Variants in BCAS3 observed in about 807,000 individuals in gnomAD.
BCAS3 encodes BCAS3 microtubule associated cell migration factor.
A neutral mutation model predicts 116.1 loss-of-function variants in BCAS3; 53 were observed. The observed-to-expected ratio is 0.46, with a 90% CI of 0.37 to 0.57. The LOEUF (loss-of-function observed/expected upper bound fraction) is 0.57. Among genes scored for constraint, BCAS3 ranks in the 20% least tolerant of loss-of-function variants. The pLI is 0.00. For missense variants in BCAS3, 917 were observed against 1,165.4 expected (o/e 0.79, Z 3.10); for synonymous variants, 391 against 408.2 (o/e 0.96, Z 0.51).
chr17:61,078,430 T>C lies in BCAS3; in HGVS notation c.2228T>C (p.Ile743Thr). Reference protein sequence around the residue: ...TIHPSGQTTVISSSSSVLQSH... With the variant: ...TIHPSGQTTVTSSSSSVLQSH... ...CATCCCTCAGGCCAAACCACAGTTA[T>C]CTCATCCAGTTCATCTGTGTTGCAG... The change falls in exon 21 of 24, where the codon ATC (isoleucine) becomes ACC (threonine). Residue 743 changes from isoleucine (I) to threonine (T), a missense_variant. Physicochemically the swap from Ile to Thr is moderately conservative, Grantham distance 89 (BLOSUM62 -1). This residue lies in a region of BCAS3 where 807 missense variants were observed against 1,026.0 expected (regional missense o/e 0.79). Transcript: ENST00000407086. 1 of 1,614,166 alleles carries C rather than the reference T, an allele frequency of 6.2e-7. No individual in the cohort carries two copies. Among genetic ancestry groups the C allele is most frequent in the Non-Finnish European group, 8.5e-7 (1 of 1,180,006 alleles).
At chr17:61,360,249 C>T (rs553056399) in intron 22 of BCAS3, among the ~76,000 whole-genome samples, 1 of 152,320 alleles carries the variant, frequency 6.6e-6, no homozygotes, top group South Asian at 2.1e-4. Context: ...AGGTGATCCA[C>T]CTGCCTTGGC....
chr17:61,259,638 TC>T lies in BCAS3; in HGVS notation c.2426-108685del, dbSNP rs1042927297. On this transcript the variant is annotated intron_variant, in intron 22 of 23. Coordinates refer to ENST00000407086, the MANE Select transcript of BCAS3 (RefSeq NM_017679.5). This position sits in a 1 kb window ranked among gnomAD's most constrained non-coding sequence, Gnocchi z 4.7. ...CTGGTTCTCTTTGTTGTTCTTTTTT[TC>T]CCCTTCCATCAACCTACTTTCAAGA... Among the ~76,000 whole-genome samples the T allele has an allele frequency of 3.4e-4, 52 of 152,302 alleles. 1 individual carries two copies. The highest frequency in any genetic ancestry group is 3.4e-4 in the Non-Finnish European group (23 of 68,032).
chr17:61,237,729 C>T (rs2083178226), intron 22 of BCAS3, among the ~76,000 whole-genome samples: 1 of 152,248 alleles, frequency 6.6e-6, no homozygotes, highest in Non-Finnish European at 1.5e-5. Context: ...TTTCCCAAGA[C>T]TGCTCAGCCC....
intron 6 of BCAS3, among the ~76,000 whole-genome samples, chr17:60,769,697 G>C (rs951815123): frequency 1.3e-5 from 2 of 152,214 alleles, no homozygotes; most frequent in East Asian, 3.8e-4. Flanking sequence ...GTGTGAAGGT[G>C]CCCTGCCTCC....
intron 22 of BCAS3, among the ~76,000 whole-genome samples, chr17:61,234,942 C>T (rs1568630864): frequency 1.3e-5 from 2 of 152,064 alleles, no homozygotes; most frequent in African/African-American, 4.8e-5. Context: ...GGGAGGAGTG[C>T]AGTGGCATGA....
chr17:61,179,889 T>TC (rs1352146849), intron 22 of BCAS3, among the ~76,000 whole-genome samples: 3 of 151,292 alleles, frequency 2.0e-5, no homozygotes, highest in Admixed American at 1.3e-4. Context: ...TTTTTTTTTT[T>TC]TTTGGCAGCC....
chr17:61,373,451 AT>A (rs966139301), intron 23 of BCAS3, among the ~76,000 whole-genome samples: 26 of 136,856 alleles, frequency 1.9e-4, no homozygotes, highest in Non-Finnish European at 2.4e-4. Context: ...TACTGTTAAC[AT>A]TTTTTTTTTC....
rs151161919 is a variant in BCAS3, at chr17:61,220,585, T to C, written c.2425+136021T>C. On this transcript the variant is annotated intron_variant, in intron 22 of 23. Transcript: ENST00000407086. This position sits in a 1 kb window ranked among gnomAD's most constrained non-coding sequence, Gnocchi z 4.5. ...TCTCTTTGCTAAAACAATGAGGTAG[T>C]TCAGTGAGGTAATACAATGACACTA... Among the ~76,000 whole-genome samples, 1,125 of 152,302 alleles carry C rather than the reference T, an allele frequency of 7.4e-3. 5 individuals carry two copies. The highest frequency in any genetic ancestry group is 0.01 in the Non-Finnish European group (682 of 68,016).
intron 19 of BCAS3, among the ~76,000 whole-genome samples, chr17:61,053,294 A>G (rs2069055755): frequency 6.6e-6 from 1 of 152,176 alleles, no homozygotes; most frequent in African/African-American, 2.4e-5. Flanking sequence ...GAAAGAGCCA[A>G]TATTTTTCAT....
chr17:60,801,843 G>C (rs1025398388), intron 6 of BCAS3, among the ~76,000 whole-genome samples: 1 of 152,064 alleles, frequency 6.6e-6, no homozygotes, highest in African/African-American at 2.4e-5. Flanking sequence ...TTTCATGGGT[G>C]ATTTTCTCCT....
Position 61,189,845 on chromosome 17 carries a change from G to A in BCAS3, c.2425+105281G>A, listed in dbSNP as rs936035331. On this transcript the variant is annotated intron_variant, in intron 22 of 23. Coordinates refer to ENST00000407086, the MANE Select transcript of BCAS3 (RefSeq NM_017679.5). The surrounding 1 kb of genome is among the most constrained non-coding windows in gnomAD (Gnocchi z 4.5). ...GCACCTATGAGATGACAAAAGGCAG[G>A]TCAGCTGGCCCTGAGTAAAAATGTG... Among the ~76,000 whole-genome samples, 3 of 152,190 alleles carry A rather than the reference G, an allele frequency of 2.0e-5. No homozygotes were observed. Among genetic ancestry groups the A allele is most frequent in the African/African-American group, 7.2e-5 (3 of 41,440 alleles).
Position 60,990,278 on chromosome 17 carries a change from C to CT in BCAS3, c.1486+46dup. On this transcript the variant is annotated intron_variant, in intron 15 of 23. Transcript: ENST00000407086. The surrounding 1 kb of genome is among the most constrained non-coding windows in gnomAD (Gnocchi z 5.1). ...CACTGTTATCTTGAATCTTCCTTCC[C>CT]TTTGTCCTTATTTTTACAGATCTGG... The CT allele has an allele frequency of 6.9e-6, 11 of 1,590,292 alleles. No individual in the cohort carries two copies. The highest frequency in any genetic ancestry group is 9.5e-6 in the Non-Finnish European group (11 of 1,163,862).
intron 22 of BCAS3, among the ~76,000 whole-genome samples, chr17:61,283,133 T>C (rs1168672126): frequency 6.6e-6 from 1 of 152,136 alleles, no homozygotes; most frequent in African/African-American, 2.4e-5. Flanking sequence ...TGGGCAGCCA[T>C]GACATTCAAT....
chr17:61,090,315 A>C (rs2073446128), intron 22 of BCAS3, among the ~76,000 whole-genome samples: 1 of 152,160 alleles, frequency 6.6e-6, no homozygotes, highest in African/African-American at 2.4e-5. Flanking sequence ...AGTGACAAAA[A>C]CTCCAGGGCA....
rs140128659 is a variant in BCAS3 at position 61,303,226 on chromosome 17, C to T, written c.2426-65101C>T. On this transcript the variant is annotated intron_variant, in intron 22 of 23. Transcript: ENST00000407086. ...GGATTTATGGGGAGCCAGAGCCGCA[C>T]ACTGCTGCAGGAGGCCCAGTCTGTG... is the stretch of plus-strand genomic sequence containing the variant. Among the ~76,000 whole-genome samples, 316 of 152,262 alleles carry T rather than the reference C, an allele frequency of 2.1e-3. 1 individual carries two copies. The highest frequency in any genetic ancestry group is 7.1e-3 in the African/African-American group (294 of 41,566).
intron 4 of BCAS3, among the ~76,000 whole-genome samples, chr17:60,708,609 C>T (rs1054367929): frequency 2.0e-5 from 3 of 152,106 alleles, no homozygotes; most frequent in African/African-American, 7.2e-5. Flanking sequence ...TGGCTCACTG[C>T]AACCTCTGCC....
chr17:61,135,248 A>G (rs2076560633), intron 22 of BCAS3, among the ~76,000 whole-genome samples: 1 of 152,214 alleles, frequency 6.6e-6, no homozygotes. Context: ...TCAAAGACAT[A>G]TTCTGTTAGT....
chr17:61,080,346 C>T (rs1369944405), intron 21 of BCAS3, among the ~76,000 whole-genome samples: 1 of 152,170 alleles, frequency 6.6e-6, no homozygotes, highest in Admixed American at 6.5e-5. Context: ...TAGAAACCTT[C>T]CACTCCTCTC....
At chr17:60,947,170 C>T in intron 13 of BCAS3, 49 bp from the exon 14 acceptor site, 8 of 1,518,842 alleles carry the variant, frequency 5.3e-6, no homozygotes, top group South Asian at 1.2e-5. Flanking sequence ...AATATTTCAT[C>T]CACATACATA....
Sources: gnomAD v4.1 joint callset for allele counts (sites outside exome capture counted in the v4.1 genomes callset) on GRCh38, gnomAD v4.1.1 for gene constraint, gnomAD v4.1.1 regional missense constraint, Gnocchi (gnomAD v3.1) non-coding constraint, MANE v1.5 for transcripts, NCBI Gene and HGNC (gene_info 2026-07-23, HGNC 2026-07-21) for gene names.